HNF4G: variants seen among roughly 807,000 people sequenced by gnomAD.
HNF4G encodes the protein hepatocyte nuclear factor 4 gamma.
Under a neutral mutation model 50.9 loss-of-function variants are expected in HNF4G, and 21 were observed. The observed-to-expected ratio is 0.41, with a 90% confidence interval of 0.29 to 0.59. The LOEUF (loss-of-function observed/expected upper bound fraction) is 0.59. Among genes scored for constraint, HNF4G ranks in the 20% least tolerant of loss-of-function variants. HNF4G has a pLI of 0.26. For missense variants in HNF4G, 527 were observed against 559.4 expected (o/e 0.94, Z 0.58); for synonymous variants, 198 against 185.6 (o/e 1.07, Z -0.54).
intron 1 of HNF4G, among the ~76,000 whole-genome samples, chr8:75,411,006 T>A (rs1055838390): frequency 1.8e-4 from 28 of 152,250 alleles, no homozygotes; most frequent in Non-Finnish European, 2.9e-5. Context: ...ATATGCCTTT[T>A]GCTTTTTAGA....
chr8:75,490,033 A>C (rs1812586335), intron 1 of HNF4G: 1 of 152,484 alleles, frequency 6.6e-6, no homozygotes, highest in African/African-American at 2.4e-5. Context: ...AAAGTAAATC[A>C]TTTAATCTAT....
chr8:75,409,436 ACTC>A (rs1169263813), intron 1 of HNF4G, among the ~76,000 whole-genome samples: 2 of 144,836 alleles, frequency 1.4e-5, no homozygotes, highest in African/African-American at 5.2e-5. Context: ...AAAAAAAAAT[ACTC>A]CTCATGCAAA....
chr8:75,484,044 G>A (rs1812441854), intron 1 of HNF4G, among the ~76,000 whole-genome samples: 1 of 152,148 alleles, frequency 6.6e-6, no homozygotes. Context: ...AAGCCAAGTA[G>A]ATGGCTGCTT....
Position 75,463,066 on chromosome 8 carries a change from G to GTT in HNF4G, c.-143-27012_-143-27011dup, listed in dbSNP as rs11386959. Among the ~76,000 whole-genome samples, 228 of 138,408 alleles carry GTT rather than the reference G, an allele frequency of 1.6e-3. 1 individual carries two copies. The highest frequency in any genetic ancestry group is 5.6e-3 in the African/African-American group (216 of 38,232). The allele number at this position is 138,408 out of a possible 152,430, so 90.8% of individuals were successfully genotyped here. On this transcript the variant is annotated intron_variant, in intron 1 of 10. Transcript: ENST00000354370. Reference sequence around the variant, plus strand: ...ATATTCAATGTCTGCTTGTTTTTTTGTTTTTTTTTTTTCTGTAATGCCTCT... The same window carrying GTT: ...ATATTCAATGTCTGCTTGTTTTTTTGTTTTTTTTTTTTTTCTGTAATGCCTCT...
At chr8:75,509,280 A>G (rs1805686326) in intron 2 of HNF4G, among the ~76,000 whole-genome samples, 1 of 152,196 alleles carries the variant, frequency 6.6e-6, no homozygotes, top group African/African-American at 2.4e-5. Context: ...GGACTGAGCC[A>G]ACATGACAAA....
At chr8:75,543,725 T>A (rs975675471) in intron 1 of HNF4G, 86 bp from the exon 2 acceptor site, 27 of 1,105,368 alleles carry the variant, frequency 2.4e-5, no homozygotes, top group Non-Finnish European at 3.3e-5. Context: ...ATGAATGGAG[T>A]GTTATGAGCC....
chr8:75,522,478 AAGAGCCC>A (rs1351472390), intron 2 of HNF4G, among the ~76,000 whole-genome samples: 117 of 152,334 alleles, frequency 7.7e-4, no homozygotes, highest in Non-Finnish European at 1.2e-3. Context: ...TATTTTGCCC[AAGAGCCC>A]ATGAGTGGTA....
At chr8:75,437,720 C>T (rs1184738176) in intron 1 of HNF4G, among the ~76,000 whole-genome samples, 3 of 151,822 alleles carry the variant, frequency 2.0e-5, no homozygotes, top group Non-Finnish European at 4.4e-5. Flanking sequence ...TGTTAATACA[C>T]TTCCAGAAAA....
At chr8:75,544,652 T>G (rs1022872870) in intron 2 of HNF4G, among the ~76,000 whole-genome samples, 3 of 27,042 alleles carry the variant, frequency 1.1e-4, no homozygotes, top group African/African-American at 9.8e-4. Context: ...TTTCTTGGGT[T>G]TTTTTTTTTT....
At chr8:75,481,360 A>C (rs1450243024) in intron 1 of HNF4G, among the ~76,000 whole-genome samples, 10 of 152,176 alleles carry the variant, frequency 6.6e-5, no homozygotes, top group Non-Finnish European at 1.5e-4. Flanking sequence ...TTCATGGAAT[A>C]TCCATCTGCT....
intron 1 of HNF4G, among the ~76,000 whole-genome samples, chr8:75,456,642 C>G (rs1444893628): frequency 6.6e-6 from 1 of 151,984 alleles, no homozygotes; most frequent in South Asian, 2.1e-4. Context: ...TAACCAAAAT[C>G]TATTCCTAAT....
intron 1 of HNF4G, among the ~76,000 whole-genome samples, chr8:75,462,349 C>A (rs943732293): frequency 1.3e-5 from 2 of 152,094 alleles, no homozygotes; most frequent in Non-Finnish European, 2.9e-5. Context: ...GATTGTGTTA[C>A]TTGAACTGTG....
chr8:75,553,627 A>G (rs1807031673), intron 5 of HNF4G, among the ~76,000 whole-genome samples: 1 of 151,998 alleles, frequency 6.6e-6, no homozygotes, highest in Non-Finnish European at 1.5e-5. Flanking sequence ...CTAGACAGAA[A>G]CCACACAGGT....
intron 1 of HNF4G, among the ~76,000 whole-genome samples, chr8:75,473,903 T>C (rs561969725): frequency 6.7e-6 from 1 of 150,172 alleles, no homozygotes; most frequent in South Asian, 2.1e-4. Flanking sequence ...GGAGACCAAA[T>C]TGTGAACAAT....
In HNF4G at chr8:75,543,852, G is replaced by T; in HGVS notation, c.160G>T (p.Gly54Cys). 1 of 1,613,008 alleles carries T rather than the reference G, an allele frequency of 6.2e-7. No individual in the cohort carries two copies. Among genetic ancestry groups the T allele is most frequent in the Non-Finnish European group, 8.5e-7 (1 of 1,179,430 alleles). ...GACAAGTATGAATACCACAGACAAC[G>T]GTGTCAACTGTCTGTGTGCTATCTG... Reference protein sequence around the residue: ...PETSMNTTDNGVNCLCAICGD... With the variant: ...PETSMNTTDNCVNCLCAICGD... The change falls in exon 2 of 10, where the codon GGT becomes TGT. Residue 54 changes from glycine to cysteine, a missense_variant. This residue lies in a region of HNF4G where 84 missense variants were observed against 87.1 expected (regional missense o/e 0.96). Transcript: ENST00000396423.
At chr8:75,536,173 A>G (rs1206123270), upstream of HNF4G, among the ~76,000 whole-genome samples, 1 of 151,938 alleles carries the variant, frequency 6.6e-6, no homozygotes, top group Non-Finnish European at 1.5e-5. Context: ...CTGGAAAGCA[A>G]TGTTAAGAGA....
intron 1 of HNF4G, among the ~76,000 whole-genome samples, chr8:75,427,947 A>G (rs959558702): frequency 2.0e-5 from 3 of 152,300 alleles, no homozygotes; most frequent in Middle Eastern, 3.4e-3. Context: ...AATAAGAGGA[A>G]GTATGTACAG....
rs75240446 is a variant in HNF4G, at chr8:75,509,055, T to C, written c.-24+18847T>C. The stretch of plus-strand genomic sequence containing the variant: ...CAGAAATGTGTCCGAAGAGGGTGAG[T>C]TTAAGGTATCAAGGAGGATGACATA... On this transcript the variant is annotated intron_variant, in intron 2 of 10. Transcript: ENST00000354370. Among the ~76,000 whole-genome samples, 1,056 of 151,474 alleles carry C rather than the reference T, an allele frequency of 7.0e-3. 14 individuals carry two copies. The highest frequency in any genetic ancestry group is 0.024 in the African/African-American group (992 of 41,274).
chr8:75,428,764 G>A (rs573728619), intron 1 of HNF4G, among the ~76,000 whole-genome samples: 33 of 152,250 alleles, frequency 2.2e-4, no homozygotes, highest in African/African-American at 7.7e-4. Context: ...GGTAGTAAGG[G>A]TCAAAATAAG....
Sources: allele counts gnomAD v4.1 joint callset (sites outside exome capture counted in the v4.1 genomes callset), GRCh38; gene constraint gnomAD v4.1.1; regional missense constraint gnomAD v4.1.1; transcripts MANE v1.5; gene names NCBI Gene and HGNC (gene_info 2026-07-23, HGNC 2026-07-21).